The following RUNDC3B variants were observed in gnomAD, a reference collection of about 807,000 sequenced individuals.
RUNDC3B encodes the protein RUN domain containing 3B.
In RUNDC3B, 33 loss-of-function variants were observed where a neutral mutation model predicts 58.4. The observed-to-expected ratio is 0.56, with a 90% CI of 0.43 to 0.75. The LOEUF is 0.75. Ranked by LOEUF, RUNDC3B falls within the 30% of genes least tolerant of loss-of-function variation. RUNDC3B has a pLI of 0.00. For synonymous variants in RUNDC3B, 193 were observed against 195.2 expected, an observed-to-expected ratio of 0.99 and a Z score of 0.10; for missense variants, 501 against 535.7, an observed-to-expected ratio of 0.94 and a Z score of 0.64.
rs982128753 is a variant in RUNDC3B at position 87,831,759 on chromosome 7, A to T, written c.*1729A>T. On this transcript the variant is annotated 3_prime_UTR_variant, in exon 11 of 11. Transcript: ENST00000394654. ...GAAATGGATAAAGAGAAATTTGAAA[A>T]TTTTAGGCTGGACTTGAGCACTATT... is the stretch of plus-strand genomic sequence containing the variant. The T allele has an allele frequency of 6.6e-6, 1 of 151,862 alleles. No individual in the cohort carries two copies. Among genetic ancestry groups the T allele is most frequent in the African/African-American group, 2.4e-5 (1 of 41,408 alleles). 9.4% of individuals were successfully genotyped at this position (151,862 alleles called of 1,614,324 possible).
Position 87,796,882 on chromosome 7 carries a change from G to GATAATT in RUNDC3B, c.957-10486_957-10481dup, listed in dbSNP as rs1835850153. 5.9e-5 allele frequency among the ~76,000 whole-genome samples: 9 copies of GATAATT among 152,156 alleles called. 1 individual carries two copies. In the South Asian group the frequency reaches 1.9e-3, roughly 31 times the overall value. On this transcript the variant is annotated intron_variant, in intron 8 of 10. Transcript: ENST00000394654. ...AATGTATCAGTAAGGATATACCATG[G>GATAATT]ATAATTATAAAATCTTGTAGTATTG... is the stretch of plus-strand genomic sequence containing the variant.
chr7:87,651,888 G>T (rs1823610173), intron 2 of RUNDC3B, among the ~76,000 whole-genome samples: 2 of 152,080 alleles, frequency 1.3e-5, no homozygotes, highest in African/African-American at 4.8e-5. Context: ...TTAAAACGGG[G>T]TTTGTAAAAT....
At chr7:87,775,428 G>T (rs1307972000) in intron 7 of RUNDC3B, among the ~76,000 whole-genome samples, 3 of 152,154 alleles carry the variant, frequency 2.0e-5, no homozygotes, top group African/African-American at 4.8e-5. Context: ...GAGTCAAAAA[G>T]ATTTTTAAAA....
chr7:87,820,319 C>A (rs905375833), intron 10 of RUNDC3B, among the ~76,000 whole-genome samples: 16 of 152,092 alleles, frequency 1.1e-4, no homozygotes, highest in African/African-American at 3.6e-4. Context: ...ACACATACAC[C>A]ATCCCATGAC....
At chr7:87,640,645 C>T (rs1403827819) in intron 1 of RUNDC3B, among the ~76,000 whole-genome samples, 1 of 152,140 alleles carries the variant, frequency 6.6e-6, no homozygotes, top group Non-Finnish European at 1.5e-5. Flanking sequence ...ACGTGTGTCT[C>T]CATTATCTTT....
At chr7:87,691,068 C>G (rs1827974839) in intron 2 of RUNDC3B, among the ~76,000 whole-genome samples, 1 of 151,850 alleles carries the variant, frequency 6.6e-6, no homozygotes, top group South Asian at 2.1e-4. Context: ...GAATAGAAAA[C>G]AAAGTTGGAA....
Position 87,687,926 on chromosome 7 carries a change from C to G in RUNDC3B, c.239-12495C>G, listed in dbSNP as rs575132248. 2.6e-5 allele frequency among the ~76,000 whole-genome samples: 4 copies of G among 152,220 alleles called. No homozygotes were observed. The South Asian group carries it at 8.3e-4, about 32-fold the overall frequency. On this transcript the variant is annotated intron_variant, in intron 2 of 10. Coordinates refer to ENST00000394654, the MANE Select transcript of RUNDC3B (RefSeq NM_001134405.2). ...CCTGTTCATTTGGCTTTTGAGTTTT[C>G]TTTGTTCATTTTTGAAGATTTTCCA... is the stretch of plus-strand genomic sequence containing the variant.
chr7:87,817,487 C>T (rs1456650888), intron 10 of RUNDC3B, among the ~76,000 whole-genome samples: 3 of 152,200 alleles, frequency 2.0e-5, no homozygotes, highest in African/African-American at 7.2e-5. Context: ...TCATTTCATA[C>T]CATTCTTTTC....
Position 87,816,328 on chromosome 7 carries a change from T to C in RUNDC3B, c.1225+66T>C, listed in dbSNP as rs1011691471. The C allele has an allele frequency of 2.4e-6, 3 of 1,272,584 alleles. No individual in the cohort carries two copies. The African/African-American group carries it at 4.5e-5, about 19-fold the overall frequency. The allele number at this position is 1,272,584 out of a possible 1,614,324, so 78.8% of individuals were successfully genotyped here. On this transcript the variant is annotated intron_variant, in intron 10 of 10. Transcript: ENST00000394654. ...GTACCATCTATATTTTGGTTGCAGA[T>C]GATTGCCAGAGAATAATAGTGACAT...
intron 8 of RUNDC3B, among the ~76,000 whole-genome samples, chr7:87,806,612 A>C (rs1052191225): frequency 6.6e-5 from 10 of 152,148 alleles, no homozygotes; most frequent in Non-Finnish European, 1.3e-4. Context: ...TTGGTTTTTG[A>C]AGTCTGAAAT....
chr7:87,818,214 C>T (rs1837186335), intron 10 of RUNDC3B, among the ~76,000 whole-genome samples: 1 of 151,974 alleles, frequency 6.6e-6, no homozygotes, highest in Non-Finnish European at 1.5e-5. Context: ...TTGATATCAA[C>T]AGGACAAGAG....
chr7:87,803,412 C>T (rs920688530), intron 8 of RUNDC3B, among the ~76,000 whole-genome samples: 1 of 152,160 alleles, frequency 6.6e-6, no homozygotes, highest in Admixed American at 6.5e-5. Flanking sequence ...TTATAGATCA[C>T]ATGAAATAGC....
intron 2 of RUNDC3B, among the ~76,000 whole-genome samples, chr7:87,666,381 G>A (rs1191686842): frequency 6.6e-6 from 1 of 152,044 alleles, no homozygotes; most frequent in Admixed American, 6.6e-5. Flanking sequence ...TATAGATGCT[G>A]GATATTAGAC....
intron 8 of RUNDC3B, among the ~76,000 whole-genome samples, chr7:87,785,651 T>G (rs1428976357): frequency 6.6e-6 from 1 of 152,144 alleles, no homozygotes; most frequent in Non-Finnish European, 1.5e-5. Context: ...GGCATGTGGA[T>G]CAGCCTTGCC....
intron 1 of RUNDC3B, among the ~76,000 whole-genome samples, chr7:87,631,976 AATG>A (rs1186722985): frequency 2.0e-5 from 3 of 152,176 alleles, no homozygotes; most frequent in African/African-American, 4.8e-5. Flanking sequence ...GCAGGGTAAT[AATG>A]ATAAGATAAA....
chr7:87,794,860 G>T (rs1032941371), intron 8 of RUNDC3B, among the ~76,000 whole-genome samples: 2 of 152,106 alleles, frequency 1.3e-5, no homozygotes, highest in Non-Finnish European at 2.9e-5. Flanking sequence ...TGACAAAGTT[G>T]CCAAATAAAT....
At chr7:87,689,044 A>G (rs893956195) in intron 2 of RUNDC3B, among the ~76,000 whole-genome samples, 1 of 152,076 alleles carries the variant, frequency 6.6e-6, no homozygotes, top group African/African-American at 2.4e-5. Flanking sequence ...TTACATGAAC[A>G]TCACTTTCAA....
chr7:87,816,643 AC>A (rs1837058580), intron 10 of RUNDC3B, among the ~76,000 whole-genome samples: 1 of 152,158 alleles, frequency 6.6e-6, no homozygotes, highest in African/African-American at 2.4e-5. Flanking sequence ...ACAACTGACC[AC>A]TTCCTCATTC....
intron 8 of RUNDC3B, among the ~76,000 whole-genome samples, chr7:87,784,177 A>G (rs1835086239): frequency 6.6e-6 from 1 of 152,050 alleles, no homozygotes; most frequent in African/African-American, 2.4e-5. Context: ...CTTTCTTTTC[A>G]ATCTTGCCAT....
Sources: gnomAD v4.1 joint callset for allele counts (sites outside exome capture counted in the v4.1 genomes callset) on GRCh38, gnomAD v4.1.1 for gene constraint, MANE v1.5 for transcripts, NCBI Gene and HGNC (gene_info 2026-07-23, HGNC 2026-07-21) for gene names.